Variants in UNC79 observed in about 807,000 individuals in gnomAD.
UNC79 encodes the protein protein unc-79 homolog.
In UNC79, 37 loss-of-function variants were observed where a neutral mutation model predicts 283.1. The ratio of observed to expected loss-of-function variants is 0.13; its 90% CI spans 0.10 to 0.17. UNC79 has a LOEUF of 0.17. Among genes scored for constraint, UNC79 ranks in the 10% least tolerant of loss-of-function variants. UNC79 has a pLI of 1.00. For synonymous variants in UNC79, 1,107 were observed against 1,200.2 expected (o/e 0.92, Z 1.61); for missense variants, 2,272 against 3,211.1 (o/e 0.71, Z 7.07).
intron 5 of UNC79, 103 bp downstream of exon 5, chr14:93,487,858 A>G: frequency 9.4e-7 from 1 of 1,069,300 alleles, no homozygotes; most frequent in East Asian, 2.5e-5. Context: ...TCATCATCAT[A>G]GAGATGTGTA....
At chr14:93,423,767 G>T (rs1330893424) in intron 1 of UNC79, among the ~76,000 whole-genome samples, 1 of 152,078 alleles carries the variant, frequency 6.6e-6, no homozygotes, top group African/African-American at 2.4e-5. Context: ...ACTACTAAAA[G>T]AAAACTTTGG....
rs1341818500 is a variant in UNC79, at chr14:93,474,764, G to T, written c.448+371G>T. Among the ~76,000 whole-genome samples, 1 of 152,186 alleles carries T rather than the reference G, an allele frequency of 6.6e-6. No individual in the cohort carries two copies. Among genetic ancestry groups the T allele is most frequent in the Admixed American group, 6.5e-5 (1 of 15,278 alleles). ...AGAAAATTAAGAAGTAGAGCATGAA[G>T]AGCAGGCTATAATCCACTGACTGAT... On this transcript the variant is annotated intron_variant, in intron 3 of 48. Transcript: ENST00000555664. The surrounding 1 kb of genome is among the most constrained non-coding windows in gnomAD (Gnocchi z 4.1).
At chr14:93,654,362 GAC>G (rs2070672440) in intron 37 of UNC79, among the ~76,000 whole-genome samples, 1 of 151,750 alleles carries the variant, frequency 6.6e-6, no homozygotes, top group African/African-American at 2.4e-5. Flanking sequence ...CTGGCATGGT[GAC>G]ACATGCCTGT....
chr14:93,636,334 C>T (rs896676431), intron 31 of UNC79, among the ~76,000 whole-genome samples: 5 of 152,154 alleles, frequency 3.3e-5, no homozygotes, highest in Non-Finnish European at 7.3e-5. Context: ...AATTGGTTCT[C>T]GTGGTTCTCG....
chr14:93,486,441 G>T (rs1035812077), intron 4 of UNC79, among the ~76,000 whole-genome samples: 1 of 151,910 alleles, frequency 6.6e-6, no homozygotes, highest in African/African-American at 2.4e-5. Context: ...TGGATCACGA[G>T]GTCAGGAGTT....
intron 22 of UNC79, among the ~76,000 whole-genome samples, chr14:93,592,027 G>A (rs985153580): frequency 9.2e-5 from 14 of 152,022 alleles, no homozygotes; most frequent in African/African-American, 1.2e-4. Flanking sequence ...TGTGAGTGGC[G>A]CCACGTATGG....
At chr14:93,431,072 C>T in intron 1 of UNC79, 21 bp downstream of exon 1, 1 of 700,136 alleles carries the variant, frequency 1.4e-6, no homozygotes. Context: ...GCCGGCCCGG[C>T]ATTCCGGCCC....
intron 47 of UNC79, among the ~76,000 whole-genome samples, chr14:93,698,034 A>G (rs114238335): frequency 0.017 from 2,634 of 152,322 alleles, 77 homozygotes; most frequent in African/African-American, 0.061. Context: ...CCAAATATTT[A>G]AAGATTTCCA....
intron 1 of UNC79, among the ~76,000 whole-genome samples, chr14:93,378,524 G>C (rs918904423): frequency 1.3e-5 from 2 of 151,952 alleles, no homozygotes; most frequent in African/African-American, 4.8e-5. Context: ...TATACATAAT[G>C]AGATATCTTG....
At chr14:93,683,435 G>T (rs1423444612) in intron 42 of UNC79, among the ~76,000 whole-genome samples, 1 of 152,124 alleles carries the variant, frequency 6.6e-6, no homozygotes, top group Non-Finnish European at 1.5e-5. Flanking sequence ...CCATTGGCTA[G>T]AACTCAGTCA....
At chr14:93,499,055 G>A (rs2140649019) in intron 7 of UNC79, among the ~76,000 whole-genome samples, 1 of 152,334 alleles carries the variant, frequency 6.6e-6, no homozygotes, top group African/African-American at 2.4e-5. Flanking sequence ...CGTTCCCGAT[G>A]AAAGACTTAA....
rs991390235 is a variant in UNC79 at position 93,501,216 on chromosome 14, T to C, written c.898+3930T>C. Reference sequence around the variant, plus strand: ...GGTGCACGCCTGTGATCCCAGCTACTGGGGGGTTGAGGCAGGAGAATCCCT... The same window carrying C: ...GGTGCACGCCTGTGATCCCAGCTACCGGGGGGTTGAGGCAGGAGAATCCCT... On this transcript the variant is annotated intron_variant, in intron 7 of 48. Transcript: ENST00000555664. 1.3e-4 allele frequency among the ~76,000 whole-genome samples: 19 copies of C among 151,972 alleles called. 1 individual carries two copies. Among genetic ancestry groups the C allele is most frequent in the South Asian group, 2.1e-4 (1 of 4,812 alleles).
chr14:93,684,684 G>A (rs949625804), intron 42 of UNC79, among the ~76,000 whole-genome samples: 15 of 152,064 alleles, frequency 9.9e-5, no homozygotes, highest in South Asian at 4.1e-4. Flanking sequence ...CAGAGGTGGA[G>A]GACAGGAAAT....
chr14:93,396,777 A>ATGTG (rs34727419), intron 1 of UNC79, among the ~76,000 whole-genome samples: 5,218 of 144,458 alleles, frequency 0.036, 116 homozygotes, highest in Non-Finnish European at 0.046. Flanking sequence ...ATGTGTGTGT[A>ATGTG]TGTGTGTGTG....
intron 3 of UNC79, 106 bp from the exon 4 acceptor site, chr14:93,477,452 A>C (rs2057867340): frequency 1.2e-6 from 1 of 843,210 alleles, no homozygotes; most frequent in Non-Finnish European, 1.8e-6. Context: ...ATGGAGCACT[A>C]GTTGCTTATA....
chr14:93,368,238 A>T (rs1473512095), intron 1 of UNC79, among the ~76,000 whole-genome samples: 1 of 152,212 alleles, frequency 6.6e-6, no homozygotes, highest in African/African-American at 2.4e-5. Flanking sequence ...TGTTTCTAAA[A>T]CACTGAGACT....
exon 33 of UNC79, chr14:93,641,180 A>G (rs2068998505): frequency 6.2e-7 from 1 of 1,613,680 alleles, no homozygotes; most frequent in South Asian, 1.1e-5. Context: ...AGCACCAAGC[A>G]TAGTCAGTAT....
chr14:93,560,655 AAATTG>A (rs1365528409), intron 14 of UNC79, among the ~76,000 whole-genome samples: 5 of 152,076 alleles, frequency 3.3e-5, no homozygotes, highest in African/African-American at 1.2e-4. Flanking sequence ...TCCCATTCGC[AAATTG>A]AATTTTGGGA....
chr14:93,338,275 AAG>A (rs1319417648), intron 1 of UNC79, among the ~76,000 whole-genome samples: 1 of 151,900 alleles, frequency 6.6e-6, no homozygotes, highest in Non-Finnish European at 1.5e-5. Flanking sequence ...GGTTGTTTAA[AAG>A]TGTGCACCAC....
Sources: allele counts gnomAD v4.1 joint callset (sites outside exome capture counted in the v4.1 genomes callset), GRCh38; gene constraint gnomAD v4.1.1; non-coding constraint Gnocchi (gnomAD v3.1); transcripts MANE v1.5; gene names NCBI Gene and HGNC (gene_info 2026-07-23, HGNC 2026-07-21).